The following VAT1L variants were observed in gnomAD, a reference collection of about 807,000 sequenced individuals.
VAT1L encodes the protein putative NADPH-dependent quinone oxidoreductase VAT1L.
A neutral mutation model predicts 44.1 loss-of-function variants in VAT1L; 34 were observed. The observed-to-expected ratio is 0.77, with a 90% CI of 0.59 to 1.03. VAT1L has a LOEUF of 1.03. VAT1L is among the 50% of genes least tolerant of loss of function. The probability of loss-of-function intolerance (pLI) is 0.00; values close to 1 mark genes in which losing one functional copy is unlikely to be tolerated. For synonymous variants in VAT1L, 253 were observed against 202.2 expected (o/e 1.25, Z -2.13); for missense variants, 615 against 538.8 (o/e 1.14, Z -1.40).
intron 3 of VAT1L, among the ~76,000 whole-genome samples, chr16:77,856,954 G>A (rs138736603): frequency 2.6e-5 from 4 of 152,140 alleles, no homozygotes; most frequent in Non-Finnish European, 5.9e-5. Flanking sequence ...CCATGTTTAC[G>A]TATGAAAAGA....
chr16:77,860,129 C>G (rs1003202522), intron 3 of VAT1L, among the ~76,000 whole-genome samples: 1 of 152,186 alleles, frequency 6.6e-6, no homozygotes, highest in Non-Finnish European at 1.5e-5. Flanking sequence ...AGATCTTTCG[C>G]TCACATCCCT....
At chr16:77,928,734 A>G (rs1050589404) in intron 7 of VAT1L, among the ~76,000 whole-genome samples, 1 of 140,612 alleles carries the variant, frequency 7.1e-6, no homozygotes, top group Non-Finnish European at 1.5e-5. Context: ...TCTTAAATTG[A>G]TGGGGGTGTC....
In VAT1L at chr16:77,816,994, G is replaced by C. The variant is rs745581584; in HGVS notation, c.307G>C (p.Gly103Arg). Reference protein sequence around the residue: ...DNPPKTPLVPGFECSGIVEAL... With the variant: ...DNPPKTPLVPRFECSGIVEAL... ...CCCTCCCAAGACTCCCCTGGTGCCA[G>C]GATTTGAGTGTTCTGGGATTGTTGA... The change falls in exon 2 of 9, where the codon GGA (glycine) becomes CGA (arginine). Residue 103 changes from glycine (G) to arginine (R), a missense_variant. By Grantham distance (125) the Gly-to-Arg change is moderately radical. Coordinates refer to ENST00000302536, the MANE Select transcript of VAT1L (RefSeq NM_020927.3). 1 of 1,614,074 alleles carries C rather than the reference G, an allele frequency of 6.2e-7. No homozygotes were observed. The highest frequency in any genetic ancestry group is 8.5e-7 in the Non-Finnish European group (1 of 1,179,950).
intron 3 of VAT1L, among the ~76,000 whole-genome samples, chr16:77,832,271 G>GT (rs2016588610): frequency 6.6e-6 from 1 of 152,194 alleles, no homozygotes; most frequent in Non-Finnish European, 1.5e-5. Context: ...AAGATAAAGA[G>GT]TTGGAGAGAA....
At position 77,816,791 on chromosome 16, in the gene VAT1L, A is replaced by T. The variant is rs926235205; in HGVS notation, c.234-130A>T. On this transcript the variant is annotated intron_variant, in intron 1 of 8. Coordinates refer to ENST00000302536, the MANE Select transcript of VAT1L (RefSeq NM_020927.3). ...AGGGATACTTTGCCAAAAAGAAAAA[A>T]AAAAGACAGGAAGGAGTGAAGAAGG... The T allele has an allele frequency of 8.0e-6, 10 of 1,252,076 alleles. No homozygotes were observed. In the African/African-American group the frequency reaches 1.1e-4, roughly 13 times the overall value. The allele number at this position is 1,252,076 out of a possible 1,614,324, so 77.6% of individuals were successfully genotyped here. A position where few individuals can be genotyped will look rare whatever the true frequency, so the allele number is the denominator to read the frequency against.
intron 8 of VAT1L, among the ~76,000 whole-genome samples, chr16:77,976,957 T>C (rs2018347261): frequency 6.6e-6 from 1 of 152,190 alleles, no homozygotes; most frequent in African/African-American, 2.4e-5. Flanking sequence ...TCTGCTCTTC[T>C]TAAGTGACAG....
chr16:77,848,964 C>A lies in VAT1L; in HGVS notation c.580-13784C>A, dbSNP rs148463498. ...AACAGAAAACCAAACACCACATGTT[C>A]TCACTCATAAGTGGGTGGTGAACAA... On this transcript the variant is annotated intron_variant, in intron 3 of 8. Transcript: ENST00000302536. Among the ~76,000 whole-genome samples, 1,033 of 152,286 alleles carry A rather than the reference C, an allele frequency of 6.8e-3. 8 individuals carry two copies. The highest frequency in any genetic ancestry group is 0.024 in the African/African-American group (988 of 41,558).
At chr16:77,941,673 G>C (rs750380866) in intron 7 of VAT1L, among the ~76,000 whole-genome samples, 2 of 151,978 alleles carry the variant, frequency 1.3e-5, no homozygotes, top group African/African-American at 2.4e-5. Flanking sequence ...GCAACCTCCA[G>C]CTCCCGGGTT....
chr16:77,898,335 G>A (rs1479687679), intron 7 of VAT1L, among the ~76,000 whole-genome samples: 2 of 152,260 alleles, frequency 1.3e-5, no homozygotes, highest in Middle Eastern at 3.4e-3. Context: ...AGAGGGGGGG[G>A]ACACAGTTAT....
intron 7 of VAT1L, among the ~76,000 whole-genome samples, chr16:77,959,610 T>C (rs366868): frequency 0.94 from 142,809 of 152,182 alleles, 67,696 homozygotes; most frequent in Middle Eastern, 1. Flanking sequence ...ATGCTTATTA[T>C]CATTCATAGC....
chr16:77,863,694 G>A (rs1006734163), intron 4 of VAT1L, among the ~76,000 whole-genome samples: 27 of 152,178 alleles, frequency 1.8e-4, no homozygotes, highest in Non-Finnish European at 3.7e-4. Context: ...CTACAAGAAG[G>A]CTTACTGGGG....
chr16:77,959,228 T>G (rs1021923668), intron 7 of VAT1L, among the ~76,000 whole-genome samples: 32 of 152,294 alleles, frequency 2.1e-4, no homozygotes, highest in African/African-American at 6.0e-4. Flanking sequence ...ACCCTTCCAG[T>G]CGATTAATTC....
Position 77,934,999 on chromosome 16 carries a change from G to A in VAT1L, c.1078-36851G>A, listed in dbSNP as rs150516721. On this transcript the variant is annotated intron_variant, in intron 7 of 8. Transcript: ENST00000302536. ...GTCTAGTTTTCATCTTTGAGTATAG[G>A]GGGGATAAAAAGGCCTCTTGGTGCT... 1.5e-3 allele frequency among the ~76,000 whole-genome samples: 226 copies of A among 152,068 alleles called. 1 individual carries two copies. Among genetic ancestry groups the A allele is most frequent in the African/African-American group, 5.2e-3 (214 of 41,466 alleles).
At chr16:77,899,503 G>A (rs2017358817) in intron 7 of VAT1L, among the ~76,000 whole-genome samples, 1 of 152,242 alleles carries the variant, frequency 6.6e-6, no homozygotes, top group Admixed American at 6.5e-5. Flanking sequence ...CAAGCAGTGT[G>A]TAAGCTGTAA....
At chr16:77,812,272 C>G (rs1407976850) in intron 1 of VAT1L, among the ~76,000 whole-genome samples, 2 of 152,048 alleles carry the variant, frequency 1.3e-5, no homozygotes, top group South Asian at 2.1e-4. Flanking sequence ...AGGGTTTCAC[C>G]GTGTTGGCCA....
intron 7 of VAT1L, among the ~76,000 whole-genome samples, chr16:77,948,239 A>T (rs1288458112): frequency 6.6e-6 from 1 of 152,182 alleles, no homozygotes; most frequent in African/African-American, 2.4e-5. Flanking sequence ...CAGAGGCTGC[A>T]TGTGCTCATC....
intron 4 of VAT1L, among the ~76,000 whole-genome samples, chr16:77,863,624 G>A (rs2016938997): frequency 6.6e-6 from 1 of 152,174 alleles, no homozygotes. Context: ...GGCTGCTCTG[G>A]GAAAGGAAAG....
At chr16:77,802,622 ACACACACAC>A (rs1567468336) in intron 1 of VAT1L, among the ~76,000 whole-genome samples, 2,827 of 83,524 alleles carry the variant, frequency 0.034, 93 homozygotes, top group East Asian at 0.18. Context: ...TCAAACACAC[ACACACACAC>A]ACACACACAC....
chr16:77,972,896 G>T (rs917638404), intron 8 of VAT1L, among the ~76,000 whole-genome samples: 46 of 151,770 alleles, frequency 3.0e-4, no homozygotes, highest in African/African-American at 1.0e-3. Flanking sequence ...ATGTTGCCTA[G>T]GCTGGTCTTG....
Sources: gnomAD v4.1 joint callset for allele counts (sites outside exome capture counted in the v4.1 genomes callset) on GRCh38, gnomAD v4.1.1 for gene constraint, MANE v1.5 for transcripts, NCBI Gene and HGNC (gene_info 2026-07-23, HGNC 2026-07-21) for gene names.